DPY19L1: variants seen among roughly 807,000 people sequenced by gnomAD.
DPY19L1 encodes the protein dpy-19 like C-mannosyltransferase 1.
A neutral mutation model predicts 96.9 loss-of-function variants in DPY19L1; 35 were observed. The observed-to-expected ratio is 0.36, with a 90% CI of 0.28 to 0.48. The LOEUF (loss-of-function observed/expected upper bound fraction) is 0.48, where lower values mean the gene tolerates loss of function less well. DPY19L1 is among the 20% of genes least tolerant of loss of function. The probability of loss-of-function intolerance (pLI) is 0.99; values close to 1 mark genes in which losing one functional copy is unlikely to be tolerated. For synonymous variants in DPY19L1, 205 were observed against 252.6 expected (o/e 0.81, Z 1.79); for missense variants, 521 against 777.9 (o/e 0.67, Z 3.93).
Position 34,973,654 on chromosome 7 carries a change from C to T in DPY19L1, c.823-49G>A, listed in dbSNP as rs184832071. 3,904 of 1,035,026 alleles carry T rather than the reference C, an allele frequency of 3.8e-3. 36 individuals are homozygous for T. The highest frequency in any genetic ancestry group is 3.1e-3 in the Admixed American group (98 of 31,366). 64.1% of individuals were successfully genotyped at this position (1,035,026 alleles called of 1,614,324 possible). A position where few individuals can be genotyped will look rare whatever the true frequency, so the allele number is the denominator to read the frequency against. ...AGTATACTTGCTAAATTTACTAAGA[C>T]ATTCCAAGTAAAAATTGCTATTTAT... is the stretch of plus-strand genomic sequence containing the variant. On this transcript the variant is annotated intron_variant, in intron 7 of 21. Transcript: ENST00000638088.
intron 6 of DPY19L1, among the ~76,000 whole-genome samples, chr7:35,009,364 CTAAAGA>C (rs1254472944): frequency 1.3e-5 from 2 of 152,082 alleles, no homozygotes; most frequent in African/African-American, 4.8e-5. Flanking sequence ...GAAGAAAATT[CTAAAGA>C]TAATCTCAAG....
rs764131623 is a variant in DPY19L1 at position 34,940,335 on chromosome 7, C to A, written c.1690-8G>T. 1 of 1,601,006 alleles carries A rather than the reference C, an allele frequency of 6.2e-7. No individual in the cohort carries two copies. The highest frequency in any genetic ancestry group is 8.5e-7 in the Non-Finnish European group (1 of 1,175,564). ...AAAGAGCCATCCAAATAGCTGAAAC[C>A]AAATTAAGAATACATTGGTAATTGT... On this transcript the variant is annotated splice_region_variant and splice_polypyrimidine_tract_variant and intron_variant, in intron 18 of 21. Coordinates refer to ENST00000638088, the MANE Select transcript of DPY19L1 (RefSeq NM_001366673.1).
intron 4 of DPY19L1, among the ~76,000 whole-genome samples, 180 bp from the exon 5 acceptor site, chr7:35,011,630 T>C (rs1337100540): frequency 1.3e-5 from 2 of 152,132 alleles, no homozygotes; most frequent in Non-Finnish European, 2.9e-5. Context: ...CACTGGTCAG[T>C]TTTCAATTGT....
rs75222762 is a variant in DPY19L1 at position 34,967,626 on chromosome 7, T to C, written c.1015-655A>G. 6.7e-3 allele frequency among the ~76,000 whole-genome samples: 1,018 copies of C among 152,316 alleles called. 89 individuals carry two copies. In the East Asian group the frequency reaches 0.17, roughly 26 times the overall value. On this transcript the variant is annotated intron_variant, in intron 9 of 21. Coordinates refer to ENST00000638088, the MANE Select transcript of DPY19L1 (RefSeq NM_001366673.1). ...TGAATTAATTGATTAAATGATGGTA[T>C]AGTATCTATTACATAGAGGTAATAT...
At chr7:34,951,538 A>G (rs1288946085) in intron 13 of DPY19L1, among the ~76,000 whole-genome samples, 3 of 152,146 alleles carry the variant, frequency 2.0e-5, no homozygotes, top group African/African-American at 7.2e-5. Flanking sequence ...TATAAGATAC[A>G]TAAAAGAGTA....
At chr7:35,037,981 G>C (rs1440728133), upstream of DPY19L1, 1 of 1,116,024 alleles carries the variant, frequency 9.0e-7, no homozygotes, top group Non-Finnish European at 1.1e-6. Context: ...GCTGCGCTTG[G>C]AGCCCGCGCA....
chr7:34,975,256 A>C (rs534445049), intron 7 of DPY19L1, among the ~76,000 whole-genome samples: 1 of 152,232 alleles, frequency 6.6e-6, no homozygotes, highest in Non-Finnish European at 1.5e-5. Context: ...TCAGAAATGC[A>C]AAAGAAAAAT....
chr7:35,011,447 T>G lies in DPY19L1; in HGVS notation c.553A>C (p.Ile185Leu). The change falls in exon 5 of 22, where the codon ATT (isoleucine) becomes CTT (leucine). Residue 185 changes from isoleucine to leucine, a missense_variant. Ile to Leu is a conservative substitution (Grantham distance 5, BLOSUM62 2). Coordinates refer to ENST00000638088, the MANE Select transcript of DPY19L1 (RefSeq NM_001366673.1). The stretch of plus-strand genomic sequence containing the variant: ...TAAATCCGGTACCAACTGGCCAAAA[T>G]TACCTATTTTAAAAAATACAGAGGC... ...LKRFNLYPEV[I>L]LASWYRIYTK... 1 of 1,596,754 alleles carries G rather than the reference T, an allele frequency of 6.3e-7. No individual in the cohort carries two copies. The highest frequency in any genetic ancestry group is 8.5e-7 in the Non-Finnish European group (1 of 1,175,382).
At chr7:34,963,370 G>A (rs975965262) in intron 10 of DPY19L1, among the ~76,000 whole-genome samples, 1 of 152,086 alleles carries the variant, frequency 6.6e-6, no homozygotes, top group African/African-American at 2.4e-5. Flanking sequence ...ATAGAACCTC[G>A]TGCACTGTTT....
At chr7:35,004,478 T>G (rs1053973333) in intron 6 of DPY19L1, among the ~76,000 whole-genome samples, 7 of 152,154 alleles carry the variant, frequency 4.6e-5, no homozygotes, top group Non-Finnish European at 1.5e-5. Context: ...TTCTGAGGGT[T>G]GAGGGAAGGA....
chr7:34,948,006 A>C (rs1784187506), intron 14 of DPY19L1, among the ~76,000 whole-genome samples: 1 of 152,128 alleles, frequency 6.6e-6, no homozygotes, highest in African/African-American at 2.4e-5. Flanking sequence ...ATATTCATCT[A>C]AGGTATGTAA....
At chr7:34,964,624 T>TA (rs1784572402) in intron 10 of DPY19L1, among the ~76,000 whole-genome samples, 1 of 152,240 alleles carries the variant, frequency 6.6e-6, no homozygotes, top group Admixed American at 6.5e-5. Context: ...GAGGGGGAAA[T>TA]ACACCGATTC....
intron 1 of DPY19L1, among the ~76,000 whole-genome samples, chr7:35,028,745 A>G (rs1458281378): frequency 6.6e-6 from 1 of 152,158 alleles, no homozygotes. Context: ...TCTCATACTT[A>G]TGGTTATTTT....
chr7:35,034,047 G>C (rs554202421), intron 1 of DPY19L1, among the ~76,000 whole-genome samples: 1 of 152,218 alleles, frequency 6.6e-6, no homozygotes, highest in South Asian at 2.1e-4. Flanking sequence ...GTTATAGCAG[G>C]TGTACCCTTG....
intron 6 of DPY19L1, among the ~76,000 whole-genome samples, chr7:34,999,325 T>G (rs1785369428): frequency 6.6e-6 from 1 of 152,164 alleles, no homozygotes; most frequent in South Asian, 2.1e-4. Flanking sequence ...TTTAAAAGTC[T>G]GAGGAAAAAT....
intron 6 of DPY19L1, among the ~76,000 whole-genome samples, chr7:34,999,901 T>C (rs867181545): frequency 6.6e-6 from 1 of 152,344 alleles, no homozygotes; most frequent in Middle Eastern, 3.4e-3. Flanking sequence ...CTGCGGACTA[T>C]GGTTTTACGT....
rs117855153 is a variant in DPY19L1, at chr7:34,938,669, T to C, written c.1965-550A>G. ...CATGCCATTGTTATGAAAAAGAAGATGCTAATAAGATTCACCTAATCACTT... is the reference window on the plus strand; with the variant it reads ...CATGCCATTGTTATGAAAAAGAAGACGCTAATAAGATTCACCTAATCACTT... On this transcript the variant is annotated intron_variant, in intron 20 of 21. Transcript: ENST00000638088. Among the ~76,000 whole-genome samples the C allele has an allele frequency of 9.9e-3, 1,513 of 152,288 alleles. 12 individuals are homozygous for C. The highest frequency in any genetic ancestry group is 0.02 in the Middle Eastern group (6 of 294).
intron 16 of DPY19L1, among the ~76,000 whole-genome samples, chr7:34,945,323 C>A (rs1300465250): frequency 1.3e-5 from 2 of 151,894 alleles, no homozygotes; most frequent in African/African-American, 2.4e-5. Flanking sequence ...TTTTATATTT[C>A]CCTGCTCATT....
intron 1 of DPY19L1, among the ~76,000 whole-genome samples, chr7:35,029,376 A>C (rs1415499665): frequency 6.6e-6 from 1 of 152,230 alleles, no homozygotes; most frequent in African/African-American, 2.4e-5. Context: ...AGTAAACCTA[A>C]TGGAAAAAGT....
Sources: gnomAD v4.1 joint callset for allele counts (sites outside exome capture counted in the v4.1 genomes callset) on GRCh38, gnomAD v4.1.1 for gene constraint, MANE v1.5 for transcripts, NCBI Gene and HGNC (gene_info 2026-07-23, HGNC 2026-07-21) for gene names.